The following SLC35F3 variants were observed in gnomAD, a reference collection of about 807,000 sequenced individuals.
SLC35F3 encodes putative thiamine transporter SLC35F3.
SLC35F3 carries 25 observed loss-of-function variants against 49.9 expected under a neutral mutation model. The observed-to-expected ratio is 0.50, with a 90% confidence interval of 0.37 to 0.70. The LOEUF (loss-of-function observed/expected upper bound fraction) is 0.70. SLC35F3 is among the 30% of genes least tolerant of loss of function. The pLI, the probability that SLC35F3 is intolerant of heterozygous loss-of-function variation, is 0.00. For missense variants in SLC35F3, 525 were observed against 639.8 expected (o/e 0.82, Z 1.94); for synonymous variants, 275 against 265.4 (o/e 1.04, Z -0.35).
At chr1:234,032,571 T>C (rs1404953128) in intron 2 of SLC35F3, among the ~76,000 whole-genome samples, 3 of 152,216 alleles carry the variant, frequency 2.0e-5, no homozygotes, top group Non-Finnish European at 2.9e-5. Context: ...TATGTCCTCA[T>C]AGATTAGCTC....
intron 2 of SLC35F3, among the ~76,000 whole-genome samples, chr1:234,073,166 T>A (rs1029517274): frequency 5.3e-5 from 8 of 152,168 alleles, no homozygotes; most frequent in Admixed American, 3.9e-4. Flanking sequence ...ATTTTACAGA[T>A]AGGGTCTTGC....
At chr1:234,128,707 G>A (rs1665686299) in intron 2 of SLC35F3, among the ~76,000 whole-genome samples, 1 of 152,194 alleles carries the variant, frequency 6.6e-6, no homozygotes, top group Admixed American at 6.5e-5. Context: ...TTATGTCCAG[G>A]GAATTATAGT....
At chr1:234,070,438 A>G (rs1157915567) in intron 2 of SLC35F3, among the ~76,000 whole-genome samples, 5 of 152,230 alleles carry the variant, frequency 3.3e-5, no homozygotes, top group South Asian at 2.1e-4. Context: ...GAATTTATTT[A>G]TGCGTATACC....
chr1:234,212,349 G>T (rs1476202613), intron 2 of SLC35F3, among the ~76,000 whole-genome samples: 1 of 152,206 alleles, frequency 6.6e-6, no homozygotes, highest in Non-Finnish European at 1.5e-5. Flanking sequence ...CAGGCACGGT[G>T]AAGTCATGTA....
chr1:234,004,701 C>T (rs1344094388), intron 2 of SLC35F3, among the ~76,000 whole-genome samples: 1 of 152,108 alleles, frequency 6.6e-6, no homozygotes, highest in African/African-American at 2.4e-5. Context: ...TCTAACCATA[C>T]TTATCAAAAT....
chr1:234,295,628 G>A (rs1463229756), intron 3 of SLC35F3, among the ~76,000 whole-genome samples: 2 of 152,216 alleles, frequency 1.3e-5, no homozygotes, highest in African/African-American at 4.8e-5. Flanking sequence ...TGGTGTGGGG[G>A]TACAAAAGCA....
chr1:234,081,400 A>G (rs1664873380), intron 2 of SLC35F3, among the ~76,000 whole-genome samples: 1 of 152,164 alleles, frequency 6.6e-6, no homozygotes, highest in African/African-American at 2.4e-5. Context: ...TTTGTTGGAA[A>G]ATAAGCTCAG....
intron 3 of SLC35F3, among the ~76,000 whole-genome samples, chr1:234,232,578 A>C (rs1416038338): frequency 1.3e-5 from 2 of 151,416 alleles, no homozygotes; most frequent in African/African-American, 4.9e-5. Context: ...ATGCTGGCCA[A>C]GGTGACACAG....
chr1:233,928,468 T>C (rs1662194052), intron 2 of SLC35F3, among the ~76,000 whole-genome samples: 1 of 152,202 alleles, frequency 6.6e-6, no homozygotes, highest in Admixed American at 6.6e-5. Context: ...TAGTCATTGC[T>C]GAGTTTGAAT....
intron 2 of SLC35F3, among the ~76,000 whole-genome samples, chr1:234,069,539 G>A (rs1664682577): frequency 1.3e-5 from 2 of 152,146 alleles, no homozygotes; most frequent in South Asian, 2.1e-4. Flanking sequence ...ACCGGCATGA[G>A]CCACCGCACC....
At chr1:234,008,680 C>T (rs1418423869) in intron 2 of SLC35F3, among the ~76,000 whole-genome samples, 3 of 152,218 alleles carry the variant, frequency 2.0e-5, no homozygotes, top group African/African-American at 7.2e-5. Flanking sequence ...TTTCCAAGTA[C>T]AGCCTGCCCT....
At chr1:234,126,755 G>A (rs544341008) in intron 2 of SLC35F3, among the ~76,000 whole-genome samples, 32 of 152,090 alleles carry the variant, frequency 2.1e-4, no homozygotes, top group South Asian at 8.3e-4. Context: ...GAGTACAGAA[G>A]CACAATCATA....
intron 2 of SLC35F3, among the ~76,000 whole-genome samples, chr1:234,138,179 T>C (rs1004547499): frequency 4.6e-5 from 7 of 152,258 alleles, no homozygotes; most frequent in African/African-American, 1.4e-4. Flanking sequence ...CTATATAACA[T>C]TGCCACTTTT....
intron 2 of SLC35F3, among the ~76,000 whole-genome samples, chr1:234,159,930 A>G (rs890810397): frequency 2.6e-5 from 4 of 152,170 alleles, no homozygotes; most frequent in Non-Finnish European, 2.9e-5. Context: ...AGACCTGTAT[A>G]TGTTGCAGGA....
chr1:234,273,790 T>C (rs571758794), intron 3 of SLC35F3, among the ~76,000 whole-genome samples: 13 of 152,228 alleles, frequency 8.5e-5, no homozygotes, highest in African/African-American at 2.9e-4. Context: ...TTTAGGATAC[T>C]TGAGGGCTTG....
At chr1:234,053,390 T>C (rs138036720) in intron 2 of SLC35F3, among the ~76,000 whole-genome samples, 1,660 of 152,364 alleles carry the variant, frequency 0.011, 20 homozygotes, top group Middle Eastern at 0.045. Flanking sequence ...TACCATGTAA[T>C]GGCCTTCTTT....
chr1:233,920,914 C>G lies in SLC35F3; in HGVS notation c.283+15156C>G, dbSNP rs371197796. Among the ~76,000 whole-genome samples the G allele has an allele frequency of 1.1e-4, 16 of 152,328 alleles. No individual in the cohort carries two copies. The East Asian group carries it at 3.1e-3, about 29-fold the overall frequency. On this transcript the variant is annotated intron_variant, in intron 2 of 7. Transcript: ENST00000366618. The stretch of plus-strand genomic sequence containing the variant: ...GCTGTAGGCAGAAAAACAAATCTTT[C>G]CCTGATTGAGCTCCTGGATGGAACA...
intron 2 of SLC35F3, among the ~76,000 whole-genome samples, chr1:234,077,031 T>C (rs1387813412): frequency 7.2e-6 from 1 of 139,476 alleles, no homozygotes; most frequent in Non-Finnish European, 1.5e-5. Context: ...GGAGTCTCGC[T>C]CTGTCGCCCA....
intron 4 of SLC35F3, 106 bp from the exon 5 acceptor site, chr1:234,316,496 C>T: frequency 2.9e-6 from 4 of 1,400,652 alleles, no homozygotes; most frequent in Non-Finnish European, 3.8e-6. Flanking sequence ...ACCACTTTCC[C>T]CTCACGTGGC....
Sources: allele counts gnomAD v4.1 joint callset (sites outside exome capture counted in the v4.1 genomes callset), GRCh38; gene constraint gnomAD v4.1.1; transcripts MANE v1.5; gene names NCBI Gene and HGNC (gene_info 2026-07-23, HGNC 2026-07-21).